Variants in FARP1 observed in about 807,000 individuals in gnomAD.
FARP1 encodes FERM, ARH/RhoGEF and pleckstrin domain protein 1.
A neutral mutation model predicts 128.8 loss-of-function variants in FARP1; 52 were observed. The ratio of observed to expected loss-of-function variants is 0.40; its 90% CI spans 0.32 to 0.51. FARP1 has a LOEUF of 0.51. Among genes scored for constraint, FARP1 ranks in the 20% least tolerant of loss-of-function variants. The pLI, the probability that FARP1 is intolerant of heterozygous loss-of-function variation, is 0.45. For synonymous variants in FARP1, 580 were observed against 551.8 expected, an observed-to-expected ratio of 1.05 and a Z score of -0.72; for missense variants, 1,333 against 1,367.9, an observed-to-expected ratio of 0.97 and a Z score of 0.40.
chr13:98,312,000 T>A (rs1886482018), intron 2 of FARP1, among the ~76,000 whole-genome samples: 1 of 150,578 alleles, frequency 6.6e-6, no homozygotes, highest in African/African-American at 2.4e-5. Flanking sequence ...CCTACCACCA[T>A]GCTTGGCTAA....
chr13:98,256,845 C>T (rs1321319429), intron 2 of FARP1, among the ~76,000 whole-genome samples: 2 of 145,404 alleles, frequency 1.4e-5, no homozygotes, highest in South Asian at 2.2e-4. Flanking sequence ...CAGGCGTGAG[C>T]CACCACACTT....
intron 7 of FARP1, among the ~76,000 whole-genome samples, chr13:98,385,254 T>C (rs1890052034): frequency 6.6e-6 from 1 of 152,238 alleles, no homozygotes; most frequent in Admixed American, 6.5e-5. Flanking sequence ...TTTTGGTTGT[T>C]GTTTTAAGGA....
intron 2 of FARP1, among the ~76,000 whole-genome samples, chr13:98,246,758 C>T (rs1883090794): frequency 1.3e-5 from 2 of 152,178 alleles, no homozygotes; most frequent in African/African-American, 4.8e-5. Context: ...GCACACAGCA[C>T]GTTAGTGAAC....
intron 2 of FARP1, among the ~76,000 whole-genome samples, chr13:98,228,701 A>G (rs375678761): frequency 6.6e-6 from 1 of 152,034 alleles, no homozygotes. Flanking sequence ...AGTTAATGGA[A>G]CTTTTTTTTT....
chr13:98,397,562 C>G (rs1446506775), intron 13 of FARP1: 1 of 152,170 alleles, frequency 6.6e-6, no homozygotes, highest in Non-Finnish European at 1.5e-5. Flanking sequence ...ACCCAGCATT[C>G]CTGCATTTTA....
In FARP1 at chr13:98,295,842, G is replaced by A. The variant is rs536261910; in HGVS notation, c.172-47920G>A. Among the ~76,000 whole-genome samples the A allele has an allele frequency of 3.9e-5, 6 of 152,194 alleles. No individual in the cohort carries two copies. The East Asian group carries it at 9.6e-4, about 24-fold the overall frequency. On this transcript the variant is annotated intron_variant, in intron 2 of 26. Transcript: ENST00000319562. ...GGAAGACTGGGGTATGTATGCATGT[G>A]GTATTCTGAGAGTCCTTTCTTCCCA...
chr13:98,391,065 C>T (rs576335530), intron 11 of FARP1, among the ~76,000 whole-genome samples, 185 bp downstream of exon 11: 7 of 152,196 alleles, frequency 4.6e-5, no homozygotes, highest in South Asian at 4.2e-4. Flanking sequence ...CCCAGGGGCA[C>T]ACCCTCGAGA....
intron 1 of FARP1, among the ~76,000 whole-genome samples, chr13:98,174,739 T>A (rs1057339770): frequency 9.9e-5 from 15 of 152,174 alleles, no homozygotes; most frequent in Admixed American, 5.9e-4. Flanking sequence ...ATAATCGATA[T>A]GTTGATAGCA....
intron 2 of FARP1, among the ~76,000 whole-genome samples, chr13:98,263,778 GATCT>G (rs1488165480): frequency 2.6e-5 from 4 of 152,114 alleles, no homozygotes; most frequent in Non-Finnish European, 5.9e-5. Context: ...TCTTAGAATT[GATCT>G]CACATTTGTG....
In FARP1 at chr13:98,259,130, G is replaced by A. The variant is rs574962829; in HGVS notation, c.171+45717G>A. On this transcript the variant is annotated intron_variant, in intron 2 of 26. Transcript: ENST00000319562. ...AGCGGCTGAGGTGGGAGGATTGCTC[G>A]AGCCTGGGAGGTCGAGGCTGCAGTG... Among the ~76,000 whole-genome samples, 4 of 152,226 alleles carry A rather than the reference G, an allele frequency of 2.6e-5. No homozygotes were observed. The East Asian group carries it at 7.7e-4, about 29-fold the overall frequency.
intron 13 of FARP1, chr13:98,397,341 G>T (rs1464452747): frequency 6.6e-6 from 1 of 152,228 alleles, no homozygotes; most frequent in East Asian, 1.9e-4. Context: ...GCCTGCCTTT[G>T]AATTGTGTAC....
intron 15 of FARP1, among the ~76,000 whole-genome samples, chr13:98,411,109 TGTC>T (rs1891174015): frequency 6.6e-6 from 1 of 152,208 alleles, no homozygotes; most frequent in Non-Finnish European, 1.5e-5. Flanking sequence ...GTCCAGAACA[TGTC>T]GTGTTTTGCC....
chr13:98,205,051 T>C (rs1329672210), intron 1 of FARP1, among the ~76,000 whole-genome samples: 1 of 152,244 alleles, frequency 6.6e-6, no homozygotes, highest in Non-Finnish European at 1.5e-5. Flanking sequence ...TTTTGGCATT[T>C]AAGCCTTGGA....
chr13:98,326,466 C>T (rs1269118108), intron 2 of FARP1, among the ~76,000 whole-genome samples: 5 of 152,176 alleles, frequency 3.3e-5, no homozygotes, highest in Admixed American at 1.3e-4. Flanking sequence ...CTTCCCATTT[C>T]CCCCTCCCTT....
intron 2 of FARP1, among the ~76,000 whole-genome samples, chr13:98,285,997 T>C (rs1885148749): frequency 6.6e-6 from 1 of 152,152 alleles, no homozygotes; most frequent in African/African-American, 2.4e-5. Flanking sequence ...TGCCGCTTCC[T>C]CTTTGCTGCC....
intron 2 of FARP1, among the ~76,000 whole-genome samples, chr13:98,318,959 T>TG (rs1886868457): frequency 1.3e-5 from 2 of 149,578 alleles, no homozygotes; most frequent in African/African-American, 5.0e-5. Flanking sequence ...TGTTTTTTTT[T>TG]TTTTTTTTTT....
At chr13:98,424,214 A>G (rs3818358) in intron 16 of FARP1, among the ~76,000 whole-genome samples, 1 of 152,212 alleles carries the variant, frequency 6.6e-6, no homozygotes, top group East Asian at 1.9e-4. Context: ...ACTTATTGCA[A>G]ATGATCTCTG....
chr13:98,261,990 A>T (rs965121492), intron 2 of FARP1, among the ~76,000 whole-genome samples: 17 of 151,524 alleles, frequency 1.1e-4, no homozygotes, highest in Middle Eastern at 6.3e-3. Flanking sequence ...TGCTTCCTAT[A>T]GGTTGATACT....
chr13:98,446,541 C>A lies in FARP1; in HGVS notation c.2905-125C>A, dbSNP rs1892847601. On this transcript the variant is annotated intron_variant, in intron 25 of 26. Coordinates refer to ENST00000319562, the MANE Select transcript of FARP1 (RefSeq NM_005766.4). ...CAAACACTGGCTGCCATGGTCCCTTCCAGGCCCACGCCCGAGGAGGGAGCT... is the reference window on the plus strand; with the variant it reads ...CAAACACTGGCTGCCATGGTCCCTTACAGGCCCACGCCCGAGGAGGGAGCT... 1.0e-5 allele frequency: 10 copies of A among 988,418 alleles called. No individual in the cohort carries two copies. The South Asian group carries it at 1.3e-4, about 13-fold the overall frequency. The allele number at this position is 988,418 out of a possible 1,614,324, so 61.2% of individuals were successfully genotyped here. A position where few individuals can be genotyped will look rare whatever the true frequency, so the allele number is the denominator to read the frequency against.
Sources: allele counts gnomAD v4.1 joint callset (sites outside exome capture counted in the v4.1 genomes callset), GRCh38; gene constraint gnomAD v4.1.1; transcripts MANE v1.5; gene names NCBI Gene and HGNC (gene_info 2026-07-23, HGNC 2026-07-21).